The following TACR3 variants were observed in gnomAD, a reference collection of about 807,000 sequenced individuals.
The protein encoded by TACR3 is neuromedin-K receptor.
TACR3 carries 34 observed loss-of-function variants against 35.0 expected under a neutral mutation model. The ratio of observed to expected loss-of-function variants is 0.97; its 90% CI spans 0.74 to 1.30. The LOEUF (loss-of-function observed/expected upper bound fraction) is 1.30. TACR3 is among the 50% of genes most tolerant of loss of function. TACR3 has a pLI of 0.00. For missense variants in TACR3, 558 were observed against 591.7 expected (o/e 0.94, Z 0.59); for synonymous variants, 233 against 221.1 (o/e 1.05, Z -0.48).
intron 1 of TACR3, among the ~76,000 whole-genome samples, chr4:103,676,842 G>A (rs1544394): frequency 0.15 from 23,490 of 151,938 alleles, 2,371 homozygotes; most frequent in East Asian, 0.43. Flanking sequence ...CAATTGCAGC[G>A]AAAGCAAAAA....
chr4:103,625,643 C>G (rs1724871425), intron 3 of TACR3, among the ~76,000 whole-genome samples: 1 of 152,110 alleles, frequency 6.6e-6, no homozygotes, highest in African/African-American at 2.4e-5. Context: ...AAACCTGTAT[C>G]TTCATATTAG....
chr4:103,640,657 C>T (rs1042673548), intron 3 of TACR3, among the ~76,000 whole-genome samples: 7 of 151,896 alleles, frequency 4.6e-5, no homozygotes, highest in African/African-American at 1.7e-4. Context: ...AACCCGTGGC[C>T]CACAGGCTGC....
chr4:103,664,497 T>C (rs914010405), intron 1 of TACR3, among the ~76,000 whole-genome samples: 2 of 152,210 alleles, frequency 1.3e-5, no homozygotes, highest in East Asian at 1.9e-4. Context: ...GTAGAAACTA[T>C]GCAAAAAATA....
intron 3 of TACR3, among the ~76,000 whole-genome samples, chr4:103,606,458 C>G (rs1430544145): frequency 6.6e-6 from 1 of 152,154 alleles, no homozygotes; most frequent in Non-Finnish European, 1.5e-5. Context: ...TATCCATGAG[C>G]ATGGACTGTT....
rs1723153883 is a variant in TACR3 at position 103,719,176 on chromosome 4, G to A, written c.500C>T (p.Thr167Ile). 6.2e-7 allele frequency: 1 copy of A among 1,614,210 alleles called. No individual in the cohort carries two copies. Among genetic ancestry groups the A allele is most frequent in the Non-Finnish European group, 8.5e-7 (1 of 1,180,046 alleles). Reference protein sequence around the residue: ...YCRFQNFFPITAVFASIYSMT... With the variant: ...YCRFQNFFPIIAVFASIYSMT... ...GGAGTAGATGCTGGCGAACACAGCT[G>A]TGATAGGAAAGAAGTTCTGGAAGCG... is the stretch of plus-strand genomic sequence containing the variant. Residue 167 changes from threonine to isoleucine, a missense_variant, in exon 1 of 5, where the codon ACA (threonine) becomes ATA (isoleucine). Thr to Ile is a moderately conservative substitution (Grantham distance 89). Coordinates refer to ENST00000304883, the MANE Select transcript of TACR3 (RefSeq NM_001059.3).
chr4:103,619,158 T>C (rs760246741), intron 3 of TACR3, among the ~76,000 whole-genome samples: 17 of 152,170 alleles, frequency 1.1e-4, no homozygotes, highest in Admixed American at 3.3e-4. Context: ...TTTCTAGGTA[T>C]ACAATCATAT....
In TACR3 at chr4:103,655,452, A is replaced by T. The variant is rs555876195; in HGVS notation, c.888+742T>A. Among the ~76,000 whole-genome samples the T allele has an allele frequency of 7.4e-4, 113 of 152,254 alleles. 1 individual carries two copies. In the South Asian group the frequency reaches 0.013, roughly 18 times the overall value. Reference sequence around the variant, plus strand: ...ATTAGGTACACCCCAACTGTGGAGAAAAGGATGGAATGTGTTTCCTTTTAA... The same window carrying T: ...ATTAGGTACACCCCAACTGTGGAGATAAGGATGGAATGTGTTTCCTTTTAA... On this transcript the variant is annotated intron_variant, in intron 3 of 4. Transcript: ENST00000304883.
chr4:103,590,689 GTTAC>G (rs1723874417), intron 4 of TACR3, among the ~76,000 whole-genome samples: 1 of 152,022 alleles, frequency 6.6e-6, no homozygotes, highest in African/African-American at 2.4e-5. Context: ...AATTCATGCA[GTTAC>G]TTACATAAAG....
chr4:103,683,494 A>AAAAG (rs1722150904), intron 1 of TACR3, among the ~76,000 whole-genome samples: 2 of 132,762 alleles, frequency 1.5e-5, no homozygotes, highest in African/African-American at 7.1e-5. Context: ...AAAAAAAAAA[A>AAAAG]AGAGAGAGAG....
At chr4:103,695,666 C>T (rs906596529) in intron 1 of TACR3, among the ~76,000 whole-genome samples, 3 of 151,594 alleles carry the variant, frequency 2.0e-5, no homozygotes, top group African/African-American at 7.3e-5. Context: ...GCCCCTAAGT[C>T]CTGCATTGCT....
At chr4:103,595,145 C>A (rs1723978101) in intron 3 of TACR3, among the ~76,000 whole-genome samples, 1 of 152,148 alleles carries the variant, frequency 6.6e-6, no homozygotes, top group African/African-American at 2.4e-5. Flanking sequence ...TGTGCAGGTG[C>A]TATGAGCAGT....
intron 2 of TACR3, 138 bp downstream of exon 2, chr4:103,658,077 A>T: frequency 1.2e-6 from 1 of 850,766 alleles, no homozygotes; most frequent in East Asian, 2.6e-5. Flanking sequence ...ATATTACAGT[A>T]TTTTTATATA....
At chr4:103,698,953 T>A (rs955879367) in intron 1 of TACR3, among the ~76,000 whole-genome samples, 1 of 152,110 alleles carries the variant, frequency 6.6e-6, no homozygotes, top group Non-Finnish European at 1.5e-5. Context: ...AATTAAAAAT[T>A]AAAAATAAAC....
At chr4:103,649,061 C>T (rs1466135018) in intron 3 of TACR3, among the ~76,000 whole-genome samples, 1 of 151,914 alleles carries the variant, frequency 6.6e-6, no homozygotes, top group Non-Finnish European at 1.5e-5. Context: ...CTTTTTTATG[C>T]TTGTTGGCCA....
chr4:103,632,284 C>A (rs1725084258), intron 3 of TACR3, among the ~76,000 whole-genome samples: 1 of 152,062 alleles, frequency 6.6e-6, no homozygotes, highest in African/African-American at 2.4e-5. Flanking sequence ...GGAACCAACC[C>A]AAATGCCCAT....
chr4:103,633,068 G>A (rs1163727377), intron 3 of TACR3, among the ~76,000 whole-genome samples: 1 of 149,676 alleles, frequency 6.7e-6, no homozygotes, highest in Non-Finnish European at 1.5e-5. Context: ...CCCTCTTACT[G>A]ACATTAACTA....
intron 3 of TACR3, among the ~76,000 whole-genome samples, chr4:103,619,526 A>ACTGCTCT (rs1724731977): frequency 6.6e-6 from 1 of 152,056 alleles, no homozygotes; most frequent in Non-Finnish European, 1.5e-5. Flanking sequence ...CTTTTGCCTG[A>ACTGCTCT]CTGCTCTGGC....
intron 3 of TACR3, among the ~76,000 whole-genome samples, chr4:103,623,077 CAA>C (rs1222492246): frequency 6.6e-6 from 1 of 151,976 alleles, no homozygotes; most frequent in Non-Finnish European, 1.5e-5. Flanking sequence ...ATTTAAATAA[CAA>C]AGTCTTTAAA....
chr4:103,683,446 T>C (rs953982017), intron 1 of TACR3, among the ~76,000 whole-genome samples: 22 of 65,378 alleles, frequency 3.4e-4, no homozygotes, highest in Non-Finnish European at 6.2e-4. Context: ...TTGCTAAAAT[T>C]GATAACGCAC....
Sources: allele counts gnomAD v4.1 joint callset (sites outside exome capture counted in the v4.1 genomes callset), GRCh38; gene constraint gnomAD v4.1.1; transcripts MANE v1.5; gene names NCBI Gene and HGNC (gene_info 2026-07-23, HGNC 2026-07-21).